The following CLASP1 variants were observed in gnomAD, a reference collection of about 807,000 sequenced individuals.
The protein encoded by CLASP1 is CLIP-associating protein 1.
CLASP1 carries 38 observed loss-of-function variants against 192.3 expected under a neutral mutation model. The observed-to-expected ratio is 0.20, with a 90% CI of 0.15 to 0.26. The LOEUF is 0.26. CLASP1 is among the 10% of genes least tolerant of loss of function. CLASP1 has a pLI of 1.00. For synonymous variants in CLASP1, 691 were observed against 712.8 expected, an observed-to-expected ratio of 0.97 and a Z score of 0.49; for missense variants, 1,433 against 1,932.5, an observed-to-expected ratio of 0.74 and a Z score of 4.85.
chr2:121,368,740 G>T (rs914863782), intron 34 of CLASP1, among the ~76,000 whole-genome samples: 1 of 152,120 alleles, frequency 6.6e-6, no homozygotes, highest in African/African-American at 2.4e-5. Context: ...GACACCTATG[G>T]CAAAATTTTT....
chr2:121,387,007 A>G, intron 32 of CLASP1, 115 bp downstream of exon 33: 1 of 852,322 alleles, frequency 1.2e-6, no homozygotes, highest in Admixed American at 2.1e-5. Context: ...ACGGTTCTTG[A>G]TACTCAATAT....
intron 1 of CLASP1, among the ~76,000 whole-genome samples, chr2:121,611,215 T>G (rs1301242109): frequency 5.3e-3 from 245 of 45,954 alleles, no homozygotes; most frequent in Admixed American, 7.3e-3. Context: ...GGTGGAGGAG[T>G]TACAGGAGGA....
intron 30 of CLASP1, among the ~76,000 whole-genome samples, chr2:121,388,450 C>T (rs1403165050): frequency 6.6e-6 from 1 of 152,178 alleles, no homozygotes; most frequent in Non-Finnish European, 1.5e-5. Context: ...AGAAGCAAAT[C>T]AGATTTCGAA....
At chr2:121,627,046 T>A (rs1405156926) in intron 1 of CLASP1, among the ~76,000 whole-genome samples, 1 of 139,014 alleles carries the variant, frequency 7.2e-6, no homozygotes, top group South Asian at 2.2e-4. Context: ...TTCAGCAACA[T>A]TTAGTTCAGA....
At position 121,473,480 on chromosome 2, in the gene CLASP1, T is replaced by C. The variant is rs970089045; in HGVS notation, c.713-3520A>G. 2.6e-5 allele frequency among the ~76,000 whole-genome samples: 4 copies of C among 151,750 alleles called. 1 individual carries two copies. The highest frequency in any genetic ancestry group is 1.3e-4 in the Admixed American group (2 of 15,224). ...TAAACGGAATAGAGTCTCAGAGACATGAAGGATAATATCAAGCAGTCTAAC... is the reference window on the plus strand; with the variant it reads ...TAAACGGAATAGAGTCTCAGAGACACGAAGGATAATATCAAGCAGTCTAAC... On this transcript the variant is annotated intron_variant, in intron 8 of 39. Transcript: ENST00000263710.
At chr2:121,624,343 C>T (rs942171595) in intron 1 of CLASP1, among the ~76,000 whole-genome samples, 3 of 152,028 alleles carry the variant, frequency 2.0e-5, no homozygotes, top group African/African-American at 7.2e-5. Flanking sequence ...CTTTGTTTTT[C>T]GCATGAAGCA....
At chr2:121,409,850 A>G (rs961111064) in intron 24 of CLASP1, among the ~76,000 whole-genome samples, 9 of 152,216 alleles carry the variant, frequency 5.9e-5, no homozygotes, top group African/African-American at 1.4e-4. Context: ...CTTTCTATAC[A>G]TAAGGTTGAG....
At chr2:121,431,147 C>G (rs115176508) in intron 19 of CLASP1, among the ~76,000 whole-genome samples, 2,021 of 151,930 alleles carry the variant, frequency 0.013, 41 homozygotes, top group African/African-American at 0.045. Context: ...AGAAGTAATG[C>G]AGGAAGCAAA....
At chr2:121,384,003 TATATACACACACAC>T (rs2072449926) in intron 32 of CLASP1, among the ~76,000 whole-genome samples, 1 of 138,164 alleles carries the variant, frequency 7.2e-6, no homozygotes, top group Admixed American at 7.5e-5. Flanking sequence ...TATATATATA[TATATACACACACAC>T]ACACACACAC....
intron 22 of CLASP1, among the ~76,000 whole-genome samples, chr2:121,419,104 C>CA (rs1374750471): frequency 6.6e-6 from 1 of 152,088 alleles, no homozygotes; most frequent in Non-Finnish European, 1.5e-5. Context: ...AACAAGAGGA[C>CA]AAAAAACCAA....
chr2:121,497,839 C>T (rs567685366), intron 8 of CLASP1, among the ~76,000 whole-genome samples: 87 of 152,224 alleles, frequency 5.7e-4, no homozygotes, highest in Middle Eastern at 3.4e-3. Flanking sequence ...CCTGCCCCAG[C>T]CTCCCGAATA....
In CLASP1 at chr2:121,517,858, C is replaced by CTTTTTTTTTTTTT. The variant is rs70954553; in HGVS notation, c.547-2109_547-2097dup. 1.9e-4 allele frequency among the ~76,000 whole-genome samples: 6 copies of CTTTTTTTTTTTTT among 30,820 alleles called. 1 individual carries two copies. The highest frequency in any genetic ancestry group is 7.2e-4 in the African/African-American group (5 of 6,910). 20.2% of individuals were successfully genotyped at this position (30,820 alleles called of 152,430 possible). On this transcript the variant is annotated intron_variant, in intron 6 of 39. Transcript: ENST00000263710. ...CCTCAGAGACAAAGCAAGACTCAAG[C>CTTTTTTTTTTTTT]TTTTTTTTTTTTTTTTTTTTTTTTT...
chr2:121,429,324 AG>A (rs2080977845), intron 20 of CLASP1, among the ~76,000 whole-genome samples: 1 of 152,184 alleles, frequency 6.6e-6, no homozygotes, highest in South Asian at 2.1e-4. Context: ...TCCTGGGGAC[AG>A]GAAGACTCTT....
rs1016241361 is a variant in CLASP1, at chr2:121,404,494, TCTCA to T, written c.2670-64_2670-61del. On this transcript the variant is annotated intron_variant, in intron 25 of 39. Transcript: ENST00000263710. Reference sequence around the variant, plus strand: ...TACTTTTATTATTTTTGAGACAGGGTCTCACTCTATTACCCAGGCTAGAGTGCAG... The same window carrying T: ...TACTTTTATTATTTTTGAGACAGGGTCTCTATTACCCAGGCTAGAGTGCAG... The T allele has an allele frequency of 5.6e-6, 8 of 1,439,012 alleles. No homozygotes were observed. In the Admixed American group the frequency reaches 1.4e-4, roughly 25 times the overall value. 89.1% of individuals were successfully genotyped at this position (1,439,012 alleles called of 1,614,324 possible).
At chr2:121,349,248 A>G (rs1558818432) in intron 37 of CLASP1, among the ~76,000 whole-genome samples, 1 of 149,250 alleles carries the variant, frequency 6.7e-6, no homozygotes, top group Non-Finnish European at 1.5e-5. Flanking sequence ...TCAAAAAAAA[A>G]AAGAAAAGAA....
chr2:121,638,910 C>T (rs1414843774), intron 1 of CLASP1, among the ~76,000 whole-genome samples: 3 of 152,114 alleles, frequency 2.0e-5, no homozygotes, highest in African/African-American at 7.2e-5. Flanking sequence ...CTCAGGTGAT[C>T]CACCCGCCTT....
At chr2:121,518,231 C>CAAAAAAAAAAAAAAA (rs35409200) in intron 6 of CLASP1, among the ~76,000 whole-genome samples, 1 of 49,580 alleles carries the variant, frequency 2.0e-5, no homozygotes, top group African/African-American at 7.1e-5. Context: ...ACCCCCGTCT[C>CAAAAAAAAAAAAAAA]AAAAAAAAAA....
chr2:121,625,428 T>C (rs2068121906), intron 1 of CLASP1, among the ~76,000 whole-genome samples: 1 of 70,616 alleles, frequency 1.4e-5, no homozygotes, highest in African/African-American at 2.7e-4. Context: ...CTTTCTTTCA[T>C]TTTTTTTTTT....
chr2:121,407,339 T>A, intron 25 of CLASP1, 132 bp downstream of exon 26: 1 of 1,026,432 alleles, frequency 9.7e-7, no homozygotes, highest in Non-Finnish European at 1.4e-6. Flanking sequence ...TGCCTGTTCC[T>A]GCAAGCAGAC....
Sources: allele counts gnomAD v4.1 joint callset (sites outside exome capture counted in the v4.1 genomes callset), GRCh38; gene constraint gnomAD v4.1.1; transcripts MANE v1.5; gene names NCBI Gene and HGNC (gene_info 2026-07-23, HGNC 2026-07-21).